The following SCARA3 variants were observed in gnomAD, a reference collection of about 807,000 sequenced individuals.
SCARA3 encodes the protein cellular stress response gene protein.
Under a neutral mutation model 47.0 loss-of-function variants are expected in SCARA3, and 39 were observed. That is an observed-to-expected ratio of 0.83 (90% CI 0.64 to 1.08). The LOEUF (loss-of-function observed/expected upper bound fraction) is 1.08. Among genes scored for constraint, SCARA3 ranks in the 50% least tolerant of loss-of-function variants. The pLI, the probability that SCARA3 is intolerant of heterozygous loss-of-function variation, is 0.00. For synonymous variants in SCARA3, 356 were observed against 334.1 expected (o/e 1.07, Z -0.71); for missense variants, 724 against 792.3 (o/e 0.91, Z 1.04).
At chr8:27,661,511 C>A (rs1801912708) in intron 5 of SCARA3, among the ~76,000 whole-genome samples, 1 of 152,028 alleles carries the variant, frequency 6.6e-6, no homozygotes, top group African/African-American at 2.4e-5. Context: ...AGACAGAAAA[C>A]AAAATTGTTG....
At chr8:27,715,855 TAGATAGATACATAGATAGATAGA>T in the SCARA3 span, among the ~76,000 whole-genome samples, 1 of 103,524 alleles carries the variant, frequency 9.7e-6, no homozygotes, top group African/African-American at 3.9e-5. This position sits in a 1 kb window ranked among gnomAD's most constrained non-coding sequence, Gnocchi z 4.2. Context: ...GATAGATAGA[TAGATAGATACATAGATAGATAGA>T]TAGAAAGAAA....
chr8:27,733,058 T>G, the SCARA3 span, among the ~76,000 whole-genome samples: 65,981 of 151,986 alleles, frequency 0.43, 14,581 homozygotes, highest in East Asian at 0.63. Context: ...AGCTGTAAAC[T>G]CCAAGTACTA....
intron 1 of SCARA3, among the ~76,000 whole-genome samples, chr8:27,647,953 G>A (rs1801542922): frequency 6.6e-6 from 1 of 152,204 alleles, no homozygotes; most frequent in Non-Finnish European, 1.5e-5. Flanking sequence ...GGTACTCACA[G>A]GTCTAGGATG....
chr8:27,726,309 G>A, the SCARA3 span, among the ~76,000 whole-genome samples: 1 of 152,344 alleles, frequency 6.6e-6, no homozygotes, highest in Non-Finnish European at 1.5e-5. Flanking sequence ...AGGAGGCTGA[G>A]GTGGGAGGAT....
chr8:27,712,175 A>ATAGT, the SCARA3 span, among the ~76,000 whole-genome samples: 1 of 152,170 alleles, frequency 6.6e-6, no homozygotes. Context: ...AACTGTCTTC[A>ATAGT]TAGTTTTGCC....
In SCARA3 at chr8:27,658,769, C is replaced by T. The variant is rs201965564; in HGVS notation, c.599C>T (p.Ala200Val). The T allele has an allele frequency of 1.1e-5, 17 of 1,614,118 alleles. No individual in the cohort carries two copies. The African/African-American group carries it at 2.0e-4, about 19-fold the overall frequency. The change falls in exon 5 of 6, where the codon GCT (alanine) becomes GTT (valine). Residue 200 changes from alanine to valine, a missense_variant. By Grantham distance (64) the Ala-to-Val change is moderately conservative. Coordinates refer to ENST00000301904, the MANE Select transcript of SCARA3 (RefSeq NM_016240.3). ...GTGAGAGGCTGGCAGGCCACCACAG[C>T]TGGCCTGGACCTCTCTCTGAAGGAC... ...AQVRGWQATT[A>V]GLDLSLKDLT...
At chr8:27,676,842 C>T (rs1802285583), downstream of SCARA3, 11 of 347,068 alleles carry the variant, frequency 3.2e-5, no homozygotes, top group South Asian at 4.1e-4. Context: ...TCAAACCCAA[C>T]TCTGTTGCGT....
chr8:27,695,008 G>A, the SCARA3 span, among the ~76,000 whole-genome samples: 72 of 152,260 alleles, frequency 4.7e-4, no homozygotes, highest in African/African-American at 1.5e-3. Context: ...AGGTAAGATC[G>A]TGTAGGATTA....
chr8:27,686,461 T>A, the SCARA3 span, among the ~76,000 whole-genome samples: 2 of 151,810 alleles, frequency 1.3e-5, no homozygotes, highest in African/African-American at 4.8e-5. Context: ...AAAAAATACA[T>A]ACATACATAT....
the SCARA3 span, among the ~76,000 whole-genome samples, chr8:27,684,664 CA>C: frequency 0.61 from 86,339 of 141,450 alleles, 25,910 homozygotes; most frequent in Middle Eastern, 0.69. Context: ...AAGGCTGTGT[CA>C]AAAAAAAAAA....
At chr8:27,725,647 C>T in the SCARA3 span, among the ~76,000 whole-genome samples, 1 of 151,974 alleles carries the variant, frequency 6.6e-6, no homozygotes, top group African/African-American at 2.4e-5. Context: ...TTGTCTCTAC[C>T]CTATTCCTGT....
intron 5 of SCARA3, among the ~76,000 whole-genome samples, chr8:27,659,770 A>G (rs1801851425): frequency 7.1e-6 from 1 of 139,952 alleles, no homozygotes; most frequent in South Asian, 2.5e-4. Context: ...GGATCACTTG[A>G]GCCCAGGAGT....
At chr8:27,675,009 G>A (rs779913554), downstream of SCARA3, among the ~76,000 whole-genome samples, 7 of 152,146 alleles carry the variant, frequency 4.6e-5, no homozygotes, top group Non-Finnish European at 1.0e-4. Context: ...TTACAGGCGT[G>A]AGCCACCGTG....
chr8:27,667,806 CG>C (rs1349577106), intron 5 of SCARA3, among the ~76,000 whole-genome samples: 3 of 152,206 alleles, frequency 2.0e-5, no homozygotes, highest in Admixed American at 6.5e-5. Context: ...AGCCGTGACA[CG>C]GGCAGCGAGG....
chr8:27,679,503 G>A (rs115036969), downstream of SCARA3, among the ~76,000 whole-genome samples: 5 of 152,084 alleles, frequency 3.3e-5, no homozygotes, highest in Non-Finnish European at 7.4e-5. Flanking sequence ...AGTTTTTAGA[G>A]CAACCTGTAT....
chr8:27,673,989 G>T (rs1456278267), downstream of SCARA3, among the ~76,000 whole-genome samples: 1 of 152,124 alleles, frequency 6.6e-6, no homozygotes, highest in Non-Finnish European at 1.5e-5. Flanking sequence ...CTCCAGTCTG[G>T]TGTCTCTGGC....
the SCARA3 span, among the ~76,000 whole-genome samples, chr8:27,715,809 A>G: frequency 1.3e-5 from 2 of 148,430 alleles, no homozygotes; most frequent in African/African-American, 5.0e-5. The surrounding 1 kb of genome is among the most constrained non-coding windows in gnomAD (Gnocchi z 4.2). Context: ...TGACAGATAT[A>G]GATAGATAGA....
In SCARA3 at chr8:27,658,842, C is replaced by T. The variant is rs1041956821; in HGVS notation, c.672C>T (p.Asn224=). The T allele has an allele frequency of 6.2e-6, 10 of 1,614,208 alleles. No individual in the cohort carries two copies. The highest frequency in any genetic ancestry group is 8.5e-6 in the Non-Finnish European group (10 of 1,180,030). The change falls in exon 5 of 6, where the codon AAC becomes AAT. Residue 224 remains asparagine, a synonymous_variant. Transcript: ENST00000301904. ...TCAAGGCTGCAGTGCACCAGATCAACTTCACCGTGGGGCAGACTTCCGAGT... is the reference window on the plus strand; with the variant it reads ...TCAAGGCTGCAGTGCACCAGATCAATTTCACCGTGGGGCAGACTTCCGAGT... ...YDVKAAVHQI[N]FTVGQTSEWI... is the part of the protein sequence containing the mutation.
At chr8:27,709,413 CCA>C in the SCARA3 span, among the ~76,000 whole-genome samples, 1 of 152,176 alleles carries the variant, frequency 6.6e-6, no homozygotes, top group Admixed American at 6.5e-5. Flanking sequence ...ACTGTAGACT[CCA>C]CACACTCACC....
Sources: allele counts gnomAD v4.1 joint callset (sites outside exome capture counted in the v4.1 genomes callset), GRCh38; gene constraint gnomAD v4.1.1; non-coding constraint Gnocchi (gnomAD v3.1); transcripts MANE v1.5; gene names NCBI Gene and HGNC (gene_info 2026-07-23, HGNC 2026-07-21).